The following BRIP1 variants were observed in gnomAD, a reference collection of about 807,000 sequenced individuals.
The protein encoded by BRIP1 is BRCA1 interacting DNA helicase 1.
In BRIP1, 88 loss-of-function variants were observed where a neutral mutation model predicts 119.7. That is an observed-to-expected ratio of 0.74 (90% CI 0.62 to 0.88). The LOEUF (loss-of-function observed/expected upper bound fraction) is 0.88. BRIP1 is among the 40% of genes least tolerant of loss of function. The pLI is 0.00. For synonymous variants in BRIP1, 443 were observed against 496.5 expected, an observed-to-expected ratio of 0.89 and a Z score of 1.43; for missense variants, 1,259 against 1,455.4, an observed-to-expected ratio of 0.87 and a Z score of 2.20.
intron 14 of BRIP1, among the ~76,000 whole-genome samples, chr17:61,763,512 A>G (rs541875059): frequency 1.1e-4 from 16 of 151,936 alleles, no homozygotes; most frequent in Non-Finnish European, 1.8e-4. Context: ...TCAAGCTAAC[A>G]TTATCTACAC....
chr17:61,788,989 G>C (rs988855733), intron 10 of BRIP1, among the ~76,000 whole-genome samples: 3 of 152,000 alleles, frequency 2.0e-5, no homozygotes, highest in African/African-American at 7.3e-5. Flanking sequence ...AGGTACTTGG[G>C]GGCGCTGAGG....
At position 61,686,499 on chromosome 17, in the gene BRIP1, G is replaced by C. The variant is rs1457124498; in HGVS notation, c.2576-334C>G. 6.6e-6 allele frequency among the ~76,000 whole-genome samples: 1 copy of C among 151,642 alleles called. No homozygotes were observed. The highest frequency in any genetic ancestry group is 2.1e-4 in the South Asian group (1 of 4,804). The stretch of plus-strand genomic sequence containing the variant: ...TTCATCATAATTCCCCACAAAAATT[G>C]CCTTTTTTTTTTGTAGGGAAACTAG... On this transcript the variant is annotated intron_variant, in intron 18 of 19. Transcript: ENST00000259008. This position sits in a 1 kb window ranked among gnomAD's most constrained non-coding sequence, Gnocchi z 5.4.
In BRIP1 at chr17:61,713,812, CGCTCCCCA is replaced by C. The variant is rs1183540105; in HGVS notation, c.2492+2131_2492+2138del. On this transcript the variant is annotated intron_variant, in intron 17 of 19. Transcript: ENST00000259008. This position sits in a 1 kb window ranked among gnomAD's most constrained non-coding sequence, Gnocchi z 4.9. ...GCTGGATTACAGGCTTCAGCTATTG[CGCTCCCCA>C]TGTCTTCATTTTTAACAGAAAAGTT... Among the ~76,000 whole-genome samples the C allele has an allele frequency of 2.0e-5, 3 of 151,332 alleles. No individual in the cohort carries two copies. The highest frequency in any genetic ancestry group is 7.3e-5 in the African/African-American group (3 of 41,188).
chr17:61,726,988 C>G lies in BRIP1; in HGVS notation c.2380-10925G>C, dbSNP rs2076773841. Among the ~76,000 whole-genome samples the G allele has an allele frequency of 6.6e-6, 1 of 152,066 alleles. No homozygotes were observed. Among genetic ancestry groups the G allele is most frequent in the Non-Finnish European group, 1.5e-5 (1 of 68,008 alleles). ...AACTTTTGCTAGCAATAACAACTAA[C>G]AAAATAAAATATTATCTTATGTAAG... is the stretch of plus-strand genomic sequence containing the variant. On this transcript the variant is annotated intron_variant, in intron 16 of 19. Transcript: ENST00000259008. This position sits in a 1 kb window ranked among gnomAD's most constrained non-coding sequence, Gnocchi z 6.2.
chr17:61,685,705 T>C (rs2144105471), intron 19 of BRIP1, 131 bp downstream of exon 19: 1 of 852,170 alleles, frequency 1.2e-6, no homozygotes, highest in Admixed American at 2.4e-5. Flanking sequence ...ACTGTTTCAC[T>C]ATTTTATGAT....
intron 17 of BRIP1, among the ~76,000 whole-genome samples, chr17:61,696,806 A>C (rs1025711618): frequency 1.3e-5 from 2 of 151,684 alleles, no homozygotes; most frequent in Non-Finnish European, 2.9e-5. Flanking sequence ...TAACACGGTG[A>C]AACCCTGTCT....
rs2078037453 is a variant in BRIP1 at position 61,804,177 on chromosome 17, CTT to C, written c.919-2705_919-2704del. ...GATGGAGGATCTAGAAAAAGCCTCT[CTT>C]TTCATTTTCTAACCACATACATGTA... On this transcript the variant is annotated intron_variant, in intron 7 of 19. Transcript: ENST00000259008. The surrounding 1 kb of genome is among the most constrained non-coding windows in gnomAD (Gnocchi z 4.5). Among the ~76,000 whole-genome samples, 1 of 152,124 alleles carries C rather than the reference CTT, an allele frequency of 6.6e-6. No individual in the cohort carries two copies. Among genetic ancestry groups the C allele is most frequent in the South Asian group, 2.1e-4 (1 of 4,832 alleles).
rs1159764491 is a variant in BRIP1 at position 61,738,127 on chromosome 17, T to C, written c.2379+4886A>G. Among the ~76,000 whole-genome samples the C allele has an allele frequency of 6.6e-6, 1 of 152,170 alleles. No homozygotes were observed. The highest frequency in any genetic ancestry group is 2.4e-5 in the African/African-American group (1 of 41,440). ...TTGACTTCAACACAGATCAGCCAAC[T>C]AGGGCAGAGTAGCTGAGCCCAGCTA... is the stretch of plus-strand genomic sequence containing the variant. On this transcript the variant is annotated intron_variant, in intron 16 of 19. Transcript: ENST00000259008. The surrounding 1 kb of genome is among the most constrained non-coding windows in gnomAD (Gnocchi z 4.2).
rs1555617829 is a variant in BRIP1 at position 61,857,123 on chromosome 17, G to C, written c.314C>G (p.Ser105Ter). 1.2e-6 allele frequency: 2 copies of C among 1,614,132 alleles called. No individual in the cohort carries two copies. Among genetic ancestry groups the C allele is most frequent in the Non-Finnish European group, 1.7e-6 (2 of 1,179,996 alleles). Reference sequence around the variant, plus strand: ...TGTGCTTGGATAGTTGAAATGACGTGAAGTTCCTTGGTTCATGTCATTGTT... The same window carrying C: ...TGTGCTTGGATAGTTGAAATGACGTCAAGTTCCTTGGTTCATGTCATTGTT... ...FTNNDMNQGT[S>*]RHFNYPSTPP... The change falls in exon 4 of 20, where the codon TCA (serine) becomes TGA (stop). Residue 105 changes from serine (S) to a stop codon, truncating the protein, a stop_gained. Coordinates refer to ENST00000259008, the MANE Select transcript of BRIP1 (RefSeq NM_032043.3). LOFTEE classifies it high-confidence loss of function. The surrounding 1 kb of genome is among the most constrained non-coding windows in gnomAD (Gnocchi z 5.1).
chr17:61,814,793 G>A lies in BRIP1; in HGVS notation c.628-6036C>T, dbSNP rs1366748691. ...TTAATTGCAGCATTGTTTTAATAGT[G>A]AGAAAAACAAGCTACATGTATCAAC... On this transcript the variant is annotated intron_variant, in intron 6 of 19. Coordinates refer to ENST00000259008, the MANE Select transcript of BRIP1 (RefSeq NM_032043.3). This position sits in a 1 kb window ranked among gnomAD's most constrained non-coding sequence, Gnocchi z 4.9. Among the ~76,000 whole-genome samples, 1 of 151,972 alleles carries A rather than the reference G, an allele frequency of 6.6e-6. No individual in the cohort carries two copies.
intron 17 of BRIP1, among the ~76,000 whole-genome samples, chr17:61,711,365 A>G (rs1346519234): frequency 6.6e-6 from 1 of 152,174 alleles, no homozygotes; most frequent in Non-Finnish European, 1.5e-5. Context: ...CCTAGAAACT[A>G]TTAGCTGAAT....
rs534481155 is a variant in BRIP1 at position 61,742,195 on chromosome 17, T to G, written c.2379+818A>C. Among the ~76,000 whole-genome samples, 1 of 152,336 alleles carries G rather than the reference T, an allele frequency of 6.6e-6. No homozygotes were observed. ...AACTTTTCTGCAGCCTCCTCACCTC[T>G]CTCAGCTTTCACAGAATTGAAGAGA... is the stretch of plus-strand genomic sequence containing the variant. On this transcript the variant is annotated intron_variant, in intron 16 of 19. Coordinates refer to ENST00000259008, the MANE Select transcript of BRIP1 (RefSeq NM_032043.3). The surrounding 1 kb of genome is among the most constrained non-coding windows in gnomAD (Gnocchi z 4.7).
At chr17:61,749,988 T>C (rs1249332206) in intron 14 of BRIP1, among the ~76,000 whole-genome samples, 1 of 152,202 alleles carries the variant, frequency 6.6e-6, no homozygotes, top group Non-Finnish European at 1.5e-5. Flanking sequence ...AATTTTACTT[T>C]TTCCTTTCCC....
At chr17:61,833,863 A>G (rs1242399548) in intron 6 of BRIP1, among the ~76,000 whole-genome samples, 1 of 152,132 alleles carries the variant, frequency 6.6e-6, no homozygotes, top group Non-Finnish European at 1.5e-5. Flanking sequence ...TTTCTCTAAA[A>G]GGCCAGAGAT....
chr17:61,827,063 C>T lies in BRIP1; in HGVS notation c.628-18306G>A, dbSNP rs2078420035. ...TAGACTAGATTTTAAAAATGTGGTACATATACACTGTGGAATACTATGTAG... is the reference window on the plus strand; with the variant it reads ...TAGACTAGATTTTAAAAATGTGGTATATATACACTGTGGAATACTATGTAG... On this transcript the variant is annotated intron_variant, in intron 6 of 19. Coordinates refer to ENST00000259008, the MANE Select transcript of BRIP1 (RefSeq NM_032043.3). The surrounding 1 kb of genome is among the most constrained non-coding windows in gnomAD (Gnocchi z 5.8). Among the ~76,000 whole-genome samples, 1 of 149,422 alleles carries T rather than the reference C, an allele frequency of 6.7e-6. No individual in the cohort carries two copies. The highest frequency in any genetic ancestry group is 2.2e-4 in the South Asian group (1 of 4,608).
rs2076767513 is a variant in BRIP1 at position 61,726,484 on chromosome 17, C to T, written c.2380-10421G>A. 6.6e-6 allele frequency among the ~76,000 whole-genome samples: 1 copy of T among 152,072 alleles called. No homozygotes were observed. Among genetic ancestry groups the T allele is most frequent in the Admixed American group, 6.6e-5 (1 of 15,254 alleles). On this transcript the variant is annotated intron_variant, in intron 16 of 19. Coordinates refer to ENST00000259008, the MANE Select transcript of BRIP1 (RefSeq NM_032043.3). This position sits in a 1 kb window ranked among gnomAD's most constrained non-coding sequence, Gnocchi z 6.2. ...ATAGTCATTACCTTAGTCAGTTCAC[C>T]CCAAATCATTTTACCACCTGGACCG...
At chr17:61,855,811 T>C (rs1345716931) in intron 4 of BRIP1, among the ~76,000 whole-genome samples, 1 of 152,114 alleles carries the variant, frequency 6.6e-6, no homozygotes, top group East Asian at 1.9e-4. Context: ...ATTGACAATA[T>C]TCCTAACCTC....
In BRIP1 at chr17:61,681,794, A is replaced by T. The variant is rs537881525; in HGVS notation, c.*1502T>A. 1 of 198,048 alleles carries T rather than the reference A, an allele frequency of 5.0e-6. No homozygotes were observed. Among genetic ancestry groups the T allele is most frequent in the South Asian group, 1.9e-4 (1 of 5,188 alleles). The allele number at this position is 198,048 out of a possible 1,614,324, so 12.3% of individuals were successfully genotyped here. ...AATGCTATAGAAACAGGCTGTAAAA[A>T]TCTAAATGTCTCAAAATGGAAGCAA... On this transcript the variant is annotated 3_prime_UTR_variant, in exon 20 of 20. Coordinates refer to ENST00000259008, the MANE Select transcript of BRIP1 (RefSeq NM_032043.3). The surrounding 1 kb of genome is among the most constrained non-coding windows in gnomAD (Gnocchi z 5.1).
At position 61,799,226 on chromosome 17, in the gene BRIP1, G is replaced by A. The variant is rs2077951033; in HGVS notation, c.1214C>T (p.Ser405Leu). 6.2e-7 allele frequency: 1 copy of A among 1,613,514 alleles called. No homozygotes were observed. Among genetic ancestry groups the A allele is most frequent in the African/African-American group, 1.3e-5 (1 of 74,894 alleles). ...AHNIEDCARE[S>L]ASYSVTEVQL... The stretch of plus-strand genomic sequence containing the variant: ...AACTTCTGTTACACTGTAACTTGCT[G>A]ATTCCCGAGCACAGTCCTCGATGTT... The change falls in exon 9 of 20, where the codon TCA becomes TTA. Residue 405 changes from serine (S) to leucine (L), a missense_variant. Ser to Leu is a moderately radical substitution (Grantham distance 145). Coordinates refer to ENST00000259008, the MANE Select transcript of BRIP1 (RefSeq NM_032043.3). This position sits in a 1 kb window ranked among gnomAD's most constrained non-coding sequence, Gnocchi z 5.1.
Sources: gnomAD v4.1 joint callset for allele counts (sites outside exome capture counted in the v4.1 genomes callset) on GRCh38, gnomAD v4.1.1 for gene constraint, Gnocchi (gnomAD v3.1) non-coding constraint, MANE v1.5 for transcripts, NCBI Gene and HGNC (gene_info 2026-07-23, HGNC 2026-07-21) for gene names.